The following MAST2 variants were observed in gnomAD, a reference collection of about 807,000 sequenced individuals.
MAST2 encodes microtubule-associated serine/threonine-protein kinase 2.
A neutral mutation model predicts 147.4 loss-of-function variants in MAST2; 70 were observed. The observed-to-expected ratio is 0.47, with a 90% CI of 0.39 to 0.58. The LOEUF (loss-of-function observed/expected upper bound fraction) is 0.58. Among genes scored for constraint, MAST2 ranks in the 20% least tolerant of loss-of-function variants. MAST2 has a pLI of 0.00. For missense variants in MAST2, 2,080 were observed against 2,302.3 expected (o/e 0.90, Z 1.98); for synonymous variants, 869 against 896.8 (o/e 0.97, Z 0.55).
chr1:45,812,784 A>G (rs894690673), intron 1 of MAST2, among the ~76,000 whole-genome samples: 6 of 152,212 alleles, frequency 3.9e-5, no homozygotes, highest in African/African-American at 1.4e-4. Flanking sequence ...GAGACCTCTC[A>G]AACTTAACAT....
chr1:45,996,775 G>A (rs1344593159), intron 5 of MAST2, among the ~76,000 whole-genome samples: 2 of 152,064 alleles, frequency 1.3e-5, no homozygotes, highest in Non-Finnish European at 2.9e-5. Flanking sequence ...AGAGATAGTG[G>A]GAAACAAAGG....
intron 3 of MAST2, 90 bp downstream of exon 3, chr1:45,829,671 A>G: frequency 1.5e-6 from 2 of 1,340,006 alleles, no homozygotes; most frequent in Non-Finnish European, 2.1e-6. Flanking sequence ...CCTTTTTAGG[A>G]TTTGGAGAAT....
intron 4 of MAST2, among the ~76,000 whole-genome samples, chr1:45,935,690 A>G (rs1206141559): frequency 6.6e-6 from 1 of 152,160 alleles, no homozygotes; most frequent in East Asian, 1.9e-4. Context: ...CAAAGATCAG[A>G]AGGTTGTAGA....
intron 3 of MAST2, among the ~76,000 whole-genome samples, chr1:45,879,465 T>C (rs6695261): frequency 0.99 from 150,596 of 151,836 alleles, 74,703 homozygotes; most frequent in East Asian, 1. Context: ...CCCAGCTACT[T>C]GAGAGGCTGG....
chr1:45,817,260 A>C (rs1233032013), intron 1 of MAST2, among the ~76,000 whole-genome samples: 1 of 152,206 alleles, frequency 6.6e-6, no homozygotes, highest in Non-Finnish European at 1.5e-5. Context: ...TAGCCCAAAG[A>C]AGACTATCTC....
rs565866952 is a variant in MAST2, at chr1:45,843,640, T to C, written c.468+14059T>C. On this transcript the variant is annotated intron_variant, in intron 3 of 28. Coordinates refer to ENST00000361297, the MANE Select transcript of MAST2 (RefSeq NM_015112.3). ...TGTAGGGGAACATGAAAAAATTACATGTGAAAGGATAGATAATGTTAGACA... is the reference window on the plus strand; with the variant it reads ...TGTAGGGGAACATGAAAAAATTACACGTGAAAGGATAGATAATGTTAGACA... 1.2e-3 allele frequency among the ~76,000 whole-genome samples: 176 copies of C among 152,292 alleles called. 1 individual carries two copies. The highest frequency in any genetic ancestry group is 2.1e-3 in the Non-Finnish European group (140 of 68,008).
At chr1:45,917,274 A>G in intron 4 of MAST2, 2 of 1,152,698 alleles carry the variant, frequency 1.7e-6, no homozygotes, top group Non-Finnish European at 2.3e-6. Context: ...CACTTTGAAT[A>G]TGTTTCTTTT....
At chr1:46,028,712 G>A in intron 17 of MAST2, 56 bp from the exon 18 acceptor site, 4 of 1,598,720 alleles carry the variant, frequency 2.5e-6, no homozygotes, top group Non-Finnish European at 3.4e-6. Flanking sequence ...ATCTCCGGCT[G>A]TCATGCCAGT....
intron 4 of MAST2, among the ~76,000 whole-genome samples, chr1:45,910,811 G>A (rs192319059): frequency 5.3e-5 from 8 of 152,322 alleles, no homozygotes; most frequent in Admixed American, 5.2e-4. Context: ...CTCAGGCAGA[G>A]TTCTCTGAAG....
intron 21 of MAST2, 54 bp from the exon 22 acceptor site, chr1:46,030,553 C>G: frequency 6.5e-7 from 1 of 1,546,716 alleles, no homozygotes; most frequent in Non-Finnish European, 8.7e-7. Flanking sequence ...CTTTATGCCA[C>G]TTGGGAGGTA....
At chr1:45,821,429 T>A (rs1015522317) in intron 1 of MAST2, among the ~76,000 whole-genome samples, 2 of 151,618 alleles carry the variant, frequency 1.3e-5, no homozygotes, top group Admixed American at 1.3e-4. Flanking sequence ...TTTTTGAATT[T>A]AACCTGCTTA....
intron 3 of MAST2, among the ~76,000 whole-genome samples, chr1:45,861,827 GC>G (rs1417494751): frequency 2.0e-5 from 3 of 152,154 alleles, no homozygotes; most frequent in Non-Finnish European, 4.4e-5. Context: ...CTGGAGTTGG[GC>G]TTTTGCTCCT....
At chr1:45,910,207 A>G (rs191067616) in intron 4 of MAST2, among the ~76,000 whole-genome samples, 1 of 145,718 alleles carries the variant, frequency 6.9e-6, no homozygotes, top group Non-Finnish European at 1.5e-5. Context: ...TTTTCTGTCT[A>G]TGTTGGGATC....
chr1:45,968,543 GGTTT>G (rs1643733465), intron 5 of MAST2, among the ~76,000 whole-genome samples: 1 of 151,360 alleles, frequency 6.6e-6, no homozygotes, highest in African/African-American at 2.4e-5. Context: ...TTGCTTGTGC[GGTTT>G]GTGAGAAGTT....
intron 1 of MAST2, among the ~76,000 whole-genome samples, chr1:45,819,957 TG>T (rs1231086869): frequency 5.9e-5 from 9 of 152,150 alleles, no homozygotes; most frequent in Admixed American, 3.9e-4. Context: ...TAGAAAGCTA[TG>T]GTAACCAAAA....
intron 4 of MAST2, among the ~76,000 whole-genome samples, chr1:45,924,397 G>A (rs1034721598): frequency 7.9e-5 from 12 of 152,134 alleles, no homozygotes; most frequent in African/African-American, 2.7e-4. Context: ...TGAGAAAAAT[G>A]GTTCCAGTAA....
At chr1:45,903,874 T>G (rs1393303450) in intron 4 of MAST2, among the ~76,000 whole-genome samples, 1 of 152,230 alleles carries the variant, frequency 6.6e-6, no homozygotes, top group Non-Finnish European at 1.5e-5. Flanking sequence ...TGTGCTTGAA[T>G]TCCTGAATCA....
chr1:45,852,704 G>A (rs1402409681), intron 3 of MAST2, among the ~76,000 whole-genome samples: 1 of 151,882 alleles, frequency 6.6e-6, no homozygotes, highest in East Asian at 1.9e-4. Context: ...GAACCATATA[G>A]TATATAACCT....
At chr1:45,902,789 T>G (rs1255599796) in intron 4 of MAST2, among the ~76,000 whole-genome samples, 2 of 152,162 alleles carry the variant, frequency 1.3e-5, no homozygotes, top group Non-Finnish European at 2.9e-5. Context: ...TATAGTAGTC[T>G]CTGAGGAGCT....
Sources: allele counts gnomAD v4.1 joint callset (sites outside exome capture counted in the v4.1 genomes callset), GRCh38; gene constraint gnomAD v4.1.1; transcripts MANE v1.5; gene names NCBI Gene and HGNC (gene_info 2026-07-23, HGNC 2026-07-21).